ACACA: variants seen among roughly 807,000 people sequenced by gnomAD.
The protein encoded by ACACA is acetyl-CoA carboxylase alpha, also known as acetyl-CoA carboxylase 1.
ACACA carries 103 observed loss-of-function variants against 296.1 expected under a neutral mutation model. That is an observed-to-expected ratio of 0.35 (90% CI 0.30 to 0.41). ACACA has a LOEUF of 0.41. ACACA is among the 10% of genes least tolerant of loss of function. The pLI, the probability that ACACA is intolerant of heterozygous loss-of-function variation, is 1.00. For synonymous variants in ACACA, 953 were observed against 1,038.6 expected, an observed-to-expected ratio of 0.92 and a Z score of 1.58; for missense variants, 1,554 against 2,989.7, an observed-to-expected ratio of 0.52 and a Z score of 11.20.
At chr17:37,345,967 C>T (rs894254587) in intron 1 of ACACA, among the ~76,000 whole-genome samples, 1 of 152,080 alleles carries the variant, frequency 6.6e-6, no homozygotes, top group Non-Finnish European at 1.5e-5. Flanking sequence ...AATCTCAACA[C>T]TTTGGGAAGC....
chr17:37,149,769 T>G (rs558342240), intron 45 of ACACA, 95 bp downstream of exon 45: 69 of 1,115,626 alleles, frequency 6.2e-5, no homozygotes, highest in Non-Finnish European at 8.9e-5. Flanking sequence ...AGGCACGGAT[T>G]GAACTGCTTC....
intron 25 of ACACA, among the ~76,000 whole-genome samples, chr17:37,227,971 G>A (rs1458978378): frequency 1.3e-5 from 2 of 151,820 alleles, no homozygotes; most frequent in African/African-American, 4.8e-5. Flanking sequence ...GGGCCTGCTT[G>A]TTGCTGCATG....
At position 37,130,335 on chromosome 17, in the gene ACACA, A is replaced by G. The variant is rs2075028395; in HGVS notation, c.5680-117T>C. 6.8e-6 allele frequency: 9 copies of G among 1,314,696 alleles called. No individual in the cohort carries two copies. The East Asian group carries it at 1.9e-4, about 27-fold the overall frequency. The allele number at this position is 1,314,696 out of a possible 1,614,324, so 81.4% of individuals were successfully genotyped here. On this transcript the variant is annotated intron_variant, in intron 45 of 55. Coordinates refer to ENST00000616317, the MANE Select transcript of ACACA (RefSeq NM_198834.3). ...CCACAAAACAGAGATTTCAGTCTCCATGGGTTGGTTGTTCTGAGGGACTAT... is the reference window on the plus strand; with the variant it reads ...CCACAAAACAGAGATTTCAGTCTCCGTGGGTTGGTTGTTCTGAGGGACTAT...
At chr17:37,317,861 A>AATGGAAAGAAGGGGAGGATGGGAG (rs1398258849) in intron 3 of ACACA, among the ~76,000 whole-genome samples, 1 of 152,142 alleles carries the variant, frequency 6.6e-6, no homozygotes, top group African/African-American at 2.4e-5. Flanking sequence ...CTGTTTTCTG[A>AATGGAAAGAAGGGGAGGATGGGAG]ATGGAAAGAA....
At chr17:37,288,523 G>C (rs2082895037) in intron 3 of ACACA, among the ~76,000 whole-genome samples, 1 of 152,198 alleles carries the variant, frequency 6.6e-6, no homozygotes, top group Non-Finnish European at 1.5e-5. Context: ...GGGAATGATG[G>C]AAACGTTCTA....
chr17:37,151,848 G>A (rs1243602174), intron 43 of ACACA, among the ~76,000 whole-genome samples: 3 of 152,186 alleles, frequency 2.0e-5, no homozygotes, highest in African/African-American at 4.8e-5. Context: ...TTTCAGTAGG[G>A]ACGGGGTTTC....
At chr17:37,394,998 T>A (rs1022955313) in intron 1 of ACACA, among the ~76,000 whole-genome samples, 4 of 152,014 alleles carry the variant, frequency 2.6e-5, no homozygotes, top group Non-Finnish European at 5.9e-5. Context: ...ATACCTAATC[T>A]CTCTTCCCAG....
chr17:37,329,582 A>C (rs1598503860), intron 3 of ACACA, among the ~76,000 whole-genome samples: 1 of 150,948 alleles, frequency 6.6e-6, no homozygotes, highest in East Asian at 1.9e-4. Context: ...CAGAGGTTGC[A>C]GTGAGCTGAG....
intron 41 of ACACA, among the ~76,000 whole-genome samples, chr17:37,172,304 G>C (rs1035252045): frequency 5.9e-5 from 9 of 152,018 alleles, no homozygotes; most frequent in Non-Finnish European, 1.2e-4. Context: ...GCCTCATTTT[G>C]CTATCAAAAA....
At chr17:37,377,839 C>T in intron 1 of ACACA, 10 of 1,527,738 alleles carry the variant, frequency 6.5e-6, no homozygotes, top group Non-Finnish European at 8.2e-6. Flanking sequence ...TTTCCCCAAA[C>T]CTTCCCCGGT....
At chr17:37,340,556 G>A (rs1488906523) in intron 1 of ACACA, among the ~76,000 whole-genome samples, 1 of 152,158 alleles carries the variant, frequency 6.6e-6, no homozygotes, top group Non-Finnish European at 1.5e-5. Context: ...GGAAATACAC[G>A]CTTGAGAACC....
At chr17:37,315,338 T>C (rs555145644) in intron 3 of ACACA, among the ~76,000 whole-genome samples, 1 of 152,334 alleles carries the variant, frequency 6.6e-6, no homozygotes, top group South Asian at 2.1e-4. Flanking sequence ...ATGTCTTATG[T>C]CTGAGCTGTA....
chr17:37,350,359 A>C lies in ACACA; in HGVS notation c.39-10509T>G, dbSNP rs959454829. The stretch of plus-strand genomic sequence containing the variant: ...AAGAAAAAAAAAACCAAAAAAAAAA[A>C]CCCAGAAAAAATTAGCTGGGTGTGG... On this transcript the variant is annotated intron_variant, in intron 1 of 55. Coordinates refer to ENST00000616317, the MANE Select transcript of ACACA (RefSeq NM_198834.3). 1.5e-4 allele frequency among the ~76,000 whole-genome samples: 23 copies of C among 150,792 alleles called. 1 individual carries two copies. Among genetic ancestry groups the C allele is most frequent in the Admixed American group, 5.3e-4 (8 of 15,090 alleles).
intron 1 of ACACA, among the ~76,000 whole-genome samples, chr17:37,340,930 G>A (rs775751499): frequency 5.3e-5 from 8 of 152,324 alleles, no homozygotes; most frequent in Non-Finnish European, 1.0e-4. Context: ...GGGCAGTAGT[G>A]TGCACCTACA....
At chr17:37,202,783 C>T (rs1476241654) in intron 33 of ACACA, among the ~76,000 whole-genome samples, 1 of 144,430 alleles carries the variant, frequency 6.9e-6, no homozygotes, top group African/African-American at 2.6e-5. Context: ...GTACCTGATG[C>T]AGTAAATAGC....
chr17:37,184,848 CAA>C (rs35132757), intron 39 of ACACA, among the ~76,000 whole-genome samples: 3,019 of 108,284 alleles, frequency 0.028, 54 homozygotes, highest in Middle Eastern at 0.069. Flanking sequence ...GACCCTGTCT[CAA>C]AAAAAAAAAA....
chr17:37,126,270 T>A (rs1180215142), intron 47 of ACACA, among the ~76,000 whole-genome samples: 1 of 152,076 alleles, frequency 6.6e-6, no homozygotes, highest in Non-Finnish European at 1.5e-5. Flanking sequence ...CAGATAAGGA[T>A]CCAAATTTGG....
intron 1 of ACACA, among the ~76,000 whole-genome samples, chr17:37,355,151 G>A (rs544988894): frequency 2.0e-5 from 3 of 152,110 alleles, no homozygotes; most frequent in Admixed American, 1.3e-4. Context: ...GCTGAGGCAG[G>A]AGAATTGCTT....
chr17:37,374,435 C>T (rs567070240), intron 1 of ACACA, among the ~76,000 whole-genome samples: 14 of 151,860 alleles, frequency 9.2e-5, no homozygotes, highest in Non-Finnish European at 1.5e-4. Flanking sequence ...TACAAACATG[C>T]GCCACCATGC....
Sources: gnomAD v4.1 joint callset for allele counts (sites outside exome capture counted in the v4.1 genomes callset) on GRCh38, gnomAD v4.1.1 for gene constraint, MANE v1.5 for transcripts, NCBI Gene and HGNC (gene_info 2026-07-23, HGNC 2026-07-21) for gene names.